The following MAPK10 variants were observed in gnomAD, a reference collection of about 807,000 sequenced individuals.
MAPK10 encodes the protein mitogen-activated protein kinase 10.
Under a neutral mutation model 59.3 loss-of-function variants are expected in MAPK10, and 25 were observed. The ratio of observed to expected loss-of-function variants is 0.42; its 90% confidence interval spans 0.31 to 0.59. The LOEUF is 0.59. MAPK10 is among the 20% of genes least tolerant of loss of function. The pLI is 0.15. For missense variants in MAPK10, 351 were observed against 568.9 expected (o/e 0.62, Z 3.90); for synonymous variants, 190 against 200.5 (o/e 0.95, Z 0.44).
intron 2 of MAPK10, chr4:86,219,845 T>G (rs1256437428): frequency 6.6e-6 from 1 of 152,152 alleles, no homozygotes; most frequent in African/African-American, 2.4e-5. Flanking sequence ...AAGTTATAGT[T>G]ATGGGCTGGT....
intron 2 of MAPK10, among the ~76,000 whole-genome samples, chr4:86,262,695 G>GA (rs2094051414): frequency 6.6e-6 from 1 of 152,120 alleles, no homozygotes; most frequent in Admixed American, 6.5e-5. Flanking sequence ...CCAATACAGT[G>GA]AAAAAAGGAA....
intron 3 of MAPK10, among the ~76,000 whole-genome samples, chr4:86,190,384 T>C (rs911928889): frequency 2.0e-5 from 3 of 152,322 alleles, no homozygotes; most frequent in Admixed American, 2.0e-4. Flanking sequence ...CTGGGCTTTT[T>C]TTGGTTGGTA....
chr4:86,419,292 C>T (rs756165085), intron 1 of MAPK10, among the ~76,000 whole-genome samples: 4 of 152,058 alleles, frequency 2.6e-5, no homozygotes, highest in African/African-American at 4.8e-5. Flanking sequence ...TGCTTTCCTT[C>T]TTCTTTTGAG....
chr4:86,537,829 T>C (rs891918306), intron 1 of MAPK10, among the ~76,000 whole-genome samples: 2 of 152,208 alleles, frequency 1.3e-5, no homozygotes, highest in Non-Finnish European at 2.9e-5. Flanking sequence ...TTAATTTTAA[T>C]ATGGTTGAAT....
intron 2 of MAPK10, among the ~76,000 whole-genome samples, chr4:86,218,922 A>T (rs1237869116): frequency 6.6e-6 from 1 of 152,260 alleles, no homozygotes; most frequent in Non-Finnish European, 1.5e-5. Context: ...GATAAGTGAA[A>T]AGGAGGCTGG....
chr4:86,056,660 T>C (rs1195137346), intron 11 of MAPK10, among the ~76,000 whole-genome samples: 2 of 150,012 alleles, frequency 1.3e-5, no homozygotes, highest in East Asian at 3.9e-4. Flanking sequence ...GAATTAAAAG[T>C]CAGTGATAAT....
chr4:86,231,287 G>GT (rs1336667890), intron 2 of MAPK10, among the ~76,000 whole-genome samples: 1 of 152,132 alleles, frequency 6.6e-6, no homozygotes, highest in East Asian at 1.9e-4. Flanking sequence ...AAAATTGCTT[G>GT]TTTTTTATTT....
chr4:86,174,898 A>T (rs1291321883), intron 3 of MAPK10, among the ~76,000 whole-genome samples: 1 of 152,134 alleles, frequency 6.6e-6, no homozygotes, highest in African/African-American at 2.4e-5. Context: ...TCCTGACCTC[A>T]TGGAGCTTAA....
chr4:86,355,289 A>G (rs1366560965), intron 1 of MAPK10, among the ~76,000 whole-genome samples: 2 of 152,056 alleles, frequency 1.3e-5, no homozygotes, highest in Non-Finnish European at 2.9e-5. Context: ...ATCATACCCA[A>G]AATAGGCCTC....
intron 2 of MAPK10, among the ~76,000 whole-genome samples, chr4:86,321,216 C>T (rs548947393): frequency 6.6e-6 from 1 of 151,898 alleles, no homozygotes; most frequent in Non-Finnish European, 1.5e-5. Context: ...ACCATTTGAC[C>T]CAGCCATCCC....
At chr4:86,236,506 TAAG>T (rs750002867) in intron 2 of MAPK10, among the ~76,000 whole-genome samples, 109 of 152,314 alleles carry the variant, frequency 7.2e-4, no homozygotes, top group Non-Finnish European at 1.4e-3. Flanking sequence ...AATGCCAAGT[TAAG>T]GAGACTGTGT....
At chr4:86,213,513 G>A (rs1441115269) in intron 2 of MAPK10, among the ~76,000 whole-genome samples, 1 of 151,954 alleles carries the variant, frequency 6.6e-6, no homozygotes, top group African/African-American at 2.4e-5. Flanking sequence ...AAATGAAAGT[G>A]GATATATGAG....
intron 2 of MAPK10, among the ~76,000 whole-genome samples, chr4:86,256,695 C>A: frequency 7.0e-6 from 1 of 143,300 alleles, no homozygotes. Flanking sequence ...AATATCTGAA[C>A]TTTATGTATT....
intron 1 of MAPK10, among the ~76,000 whole-genome samples, chr4:86,375,195 TAC>T (rs1344769483): frequency 3.9e-5 from 6 of 152,100 alleles, no homozygotes; most frequent in African/African-American, 1.4e-4. Context: ...CACACACACA[TAC>T]ACACACATAT....
At chr4:86,308,547 T>C (rs774530040) in intron 2 of MAPK10, 10 of 152,202 alleles carry the variant, frequency 6.6e-5, no homozygotes, top group Non-Finnish European at 4.4e-5. Flanking sequence ...GATAAATTCC[T>C]GCAGGCCATC....
intron 4 of MAPK10, among the ~76,000 whole-genome samples, chr4:86,112,257 T>G (rs2057614688): frequency 1.3e-5 from 2 of 152,080 alleles, no homozygotes; most frequent in Admixed American, 1.3e-4. Flanking sequence ...TTCTGCTAGC[T>G]TTGGGGTTTG....
upstream of MAPK10, chr4:86,453,403 G>C (rs1362797371): frequency 2.0e-5 from 3 of 152,346 alleles, no homozygotes; most frequent in Non-Finnish European, 4.4e-5. Flanking sequence ...TGGTGCTGCT[G>C]CTGGGGGCAC....
chr4:86,498,302 T>C (rs1439623199), intron 1 of MAPK10, among the ~76,000 whole-genome samples: 1 of 152,250 alleles, frequency 6.6e-6, no homozygotes, highest in African/African-American at 2.4e-5. Flanking sequence ...GGAAACCTAC[T>C]GTTACCACAC....
intron 1 of MAPK10, among the ~76,000 whole-genome samples, chr4:86,439,942 G>A (rs1579227605): frequency 6.6e-6 from 1 of 152,102 alleles, no homozygotes; most frequent in Non-Finnish European, 1.5e-5. Context: ...TGAGTTTTAG[G>A]TGATTGTTTT....
Sources: allele counts gnomAD v4.1 joint callset (sites outside exome capture counted in the v4.1 genomes callset), GRCh38; gene constraint gnomAD v4.1.1; transcripts MANE v1.5; gene names NCBI Gene and HGNC (gene_info 2026-07-23, HGNC 2026-07-21).